CDH17: variants seen among roughly 807,000 people sequenced by gnomAD.
CDH17 encodes cadherin-17.
In CDH17, 67 loss-of-function variants were observed where a neutral mutation model predicts 86.3. That is an observed-to-expected ratio of 0.78 (90% CI 0.64 to 0.95). The LOEUF (loss-of-function observed/expected upper bound fraction) is 0.95. CDH17 is among the 40% of genes least tolerant of loss of function. The probability of loss-of-function intolerance (pLI) is 0.00; values close to 1 mark genes in which losing one functional copy is unlikely to be tolerated. For synonymous variants in CDH17, 367 were observed against 366.4 expected (o/e 1.00, Z -0.02); for missense variants, 993 against 1,017.6 (o/e 0.98, Z 0.33).
chr8:94,147,342 G>T (rs180997685), intron 14 of CDH17, among the ~76,000 whole-genome samples: 1 of 152,284 alleles, frequency 6.6e-6, no homozygotes, highest in East Asian at 1.9e-4. Context: ...CTGGCACACC[G>T]TTCTGCATTC....
At chr8:94,162,057 A>T in intron 11 of CDH17, 29 bp downstream of exon 11, 2 of 1,327,236 alleles carry the variant, frequency 1.5e-6, no homozygotes, top group Non-Finnish European at 2.2e-6. Flanking sequence ...AATAAAGTAA[A>T]GAAAAAACAA....
chr8:94,171,128 C>A, intron 7 of CDH17, 143 bp from the exon 8 acceptor site: 2 of 822,774 alleles, frequency 2.4e-6, no homozygotes, highest in Non-Finnish European at 3.6e-6. Context: ...TTACGTTTTT[C>A]ACTTTTAACC....
intron 3 of CDH17, among the ~76,000 whole-genome samples, chr8:94,184,198 T>C (rs2130655485): frequency 6.8e-6 from 1 of 146,458 alleles, no homozygotes; most frequent in Admixed American, 6.6e-5. Context: ...CCAGCAGTCC[T>C]GCTACTGAGT....
At chr8:94,202,091 C>A in intron 1 of CDH17, 1 of 158,198 alleles carries the variant, frequency 6.3e-6, no homozygotes, top group South Asian at 1.8e-4. Context: ...AGATCTCACC[C>A]TCCTACTGAC....
chr8:94,153,682 A>T (rs1812896324), intron 12 of CDH17, among the ~76,000 whole-genome samples: 1 of 152,214 alleles, frequency 6.6e-6, no homozygotes, highest in Admixed American at 6.5e-5. Context: ...ACACACATAT[A>T]TATATACACA....
At chr8:94,187,856 C>A (rs1000735107) in intron 3 of CDH17, among the ~76,000 whole-genome samples, 1 of 152,178 alleles carries the variant, frequency 6.6e-6, no homozygotes, top group Non-Finnish European at 1.5e-5. Context: ...GCTCTCAACA[C>A]ATTCACTGCT....
intron 15 of CDH17, among the ~76,000 whole-genome samples, chr8:94,133,924 T>C (rs1048463840): frequency 6.6e-6 from 1 of 152,248 alleles, no homozygotes; most frequent in African/African-American, 2.4e-5. Flanking sequence ...ATGTGATTTT[T>C]GTCATTGGTT....
intron 14 of CDH17, among the ~76,000 whole-genome samples, chr8:94,147,322 C>T (rs926601490): frequency 6.6e-6 from 1 of 152,130 alleles, no homozygotes; most frequent in African/African-American, 2.4e-5. Flanking sequence ...TCACACACAC[C>T]CCTCCCAAGC....
intron 8 of CDH17, 74 bp downstream of exon 8, chr8:94,170,780 T>C: frequency 6.6e-7 from 1 of 1,514,056 alleles, no homozygotes; most frequent in Non-Finnish European, 8.9e-7. Context: ...TAAAGTAAAA[T>C]CCATTTTGCT....
At chr8:94,170,369 A>G (rs1192436814) in intron 9 of CDH17, 28 bp downstream of exon 9, 4 of 1,605,300 alleles carry the variant, frequency 2.5e-6, no homozygotes, top group Middle Eastern at 1.7e-4. Flanking sequence ...GGGCAGTTAC[A>G]CAGCATTAGG....
intron 15 of CDH17, among the ~76,000 whole-genome samples, chr8:94,139,655 C>T (rs1812597840): frequency 6.6e-6 from 1 of 152,158 alleles, no homozygotes; most frequent in Admixed American, 6.5e-5. Context: ...ATAATCCCAG[C>T]ACTTTGGGAG....
At chr8:94,169,969 G>C (rs188191947) in intron 9 of CDH17, among the ~76,000 whole-genome samples, 4 of 152,210 alleles carry the variant, frequency 2.6e-5, no homozygotes, top group South Asian at 4.1e-4. Flanking sequence ...TTATTGCAGG[G>C]TGTCTGTCTG....
intron 1 of CDH17, among the ~76,000 whole-genome samples, chr8:94,206,326 C>A (rs9642922): frequency 6.6e-6 from 1 of 152,058 alleles, no homozygotes; most frequent in African/African-American, 2.4e-5. Flanking sequence ...CTTAAAATTC[C>A]GTGTGTCTTT....
intron 1 of CDH17, among the ~76,000 whole-genome samples, chr8:94,200,821 T>C (rs1461002904): frequency 6.6e-6 from 1 of 152,056 alleles, no homozygotes; most frequent in African/African-American, 2.4e-5. Context: ...GCAGCAAACA[T>C]TGACTGAAAA....
intron 12 of CDH17, 91 bp downstream of exon 12, chr8:94,159,880 T>G: frequency 1.1e-6 from 1 of 919,632 alleles, no homozygotes; most frequent in African/African-American, 1.7e-5. Context: ...TGGCTGCTAA[T>G]ACATCACCTC....
At position 94,160,047 on chromosome 8, in the gene CDH17, A is replaced by C. The variant is rs777858767; in HGVS notation, c.1475T>G (p.Ile492Arg). Residue 492 changes from isoleucine (I) to arginine (R), a missense_variant, in exon 12 of 18, where the codon ATA (isoleucine) becomes AGA (arginine). Transcript: ENST00000027335. ...TGSSKILYHI[I>R]KGDSEGRLGV... ...CAGGCGTCCCTCACTGTCTCCCTTT[A>C]TGATATGATACAGAATTTTAGAACT... The C allele has an allele frequency of 5.0e-6, 8 of 1,613,832 alleles. No individual in the cohort carries two copies. The Admixed American group carries it at 5.0e-5, about 10-fold the overall frequency.
In CDH17 at chr8:94,177,626, T is replaced by C. The variant is rs774059968; in HGVS notation, c.246A>G (p.Arg82=). 2.5e-6 allele frequency: 4 copies of C among 1,613,892 alleles called. No individual in the cohort carries two copies. Among genetic ancestry groups the C allele is most frequent in the Non-Finnish European group, 2.5e-6 (3 of 1,179,814 alleles). ...IEREGLLYYN[R]ALDRETRSTH... Reference sequence around the variant, plus strand: ...TAGATCTTGTTTCCCTGTCCAAGGCTCTGTTGTAATACAGAAGTCCCTCCC... The same window carrying C: ...TAGATCTTGTTTCCCTGTCCAAGGCCCTGTTGTAATACAGAAGTCCCTCCC... Residue 82 remains arginine, a synonymous_variant, in exon 4 of 18, where the codon AGA becomes AGG. Transcript: ENST00000027335.
At position 94,148,818 on chromosome 8, in the gene CDH17, T is replaced by C; in HGVS notation, c.1853A>G (p.Glu618Gly). The C allele has an allele frequency of 6.3e-7, 1 of 1,598,874 alleles. No individual in the cohort carries two copies. Among genetic ancestry groups the C allele is most frequent in the Non-Finnish European group, 8.5e-7 (1 of 1,172,120 alleles). The stretch of plus-strand genomic sequence containing the variant: ...GTCCAATGGAGCCACACTAAAGATC[T>C]CACCAGTCACGTGGTCAATTTTAAG... ...GWLKIDHVTG[E>G]IFSVAPLDRE... The change falls in exon 14 of 18, where the codon GAG becomes GGG. Residue 618 changes from glutamate (E) to glycine (G), a missense_variant. Coordinates refer to ENST00000027335, the MANE Select transcript of CDH17 (RefSeq NM_004063.4).
chr8:94,164,023 T>A (rs923362884), intron 10 of CDH17, among the ~76,000 whole-genome samples: 1 of 152,358 alleles, frequency 6.6e-6, no homozygotes, highest in Non-Finnish European at 1.5e-5. Flanking sequence ...AACACACACA[T>A]GTATTTTAAT....
Sources: gnomAD v4.1 joint callset for allele counts (sites outside exome capture counted in the v4.1 genomes callset) on GRCh38, gnomAD v4.1.1 for gene constraint, MANE v1.5 for transcripts, NCBI Gene and HGNC (gene_info 2026-07-23, HGNC 2026-07-21) for gene names.